Variants in PSMD14 observed in about 807,000 individuals in gnomAD.
The protein encoded by PSMD14 is ubiquitin C-terminal hydrolase PSMD14.
PSMD14 carries 7 observed loss-of-function variants against 41.2 expected under a neutral mutation model. The ratio of observed to expected loss-of-function variants is 0.17; its 90% CI spans 0.10 to 0.32. The LOEUF (loss-of-function observed/expected upper bound fraction) is 0.32, where lower values mean the gene tolerates loss of function less well. Among genes scored for constraint, PSMD14 ranks in the 10% least tolerant of loss-of-function variants. The pLI, the probability that PSMD14 is intolerant of heterozygous loss-of-function variation, is 1.00. For synonymous variants in PSMD14, 114 were observed against 122.3 expected, an observed-to-expected ratio of 0.93 and a Z score of 0.45; for missense variants, 139 against 375.6, an observed-to-expected ratio of 0.37 and a Z score of 5.21.
chr2:161,358,491 C>A (rs987420920), intron 3 of PSMD14, among the ~76,000 whole-genome samples: 1 of 152,106 alleles, frequency 6.6e-6, no homozygotes, highest in Admixed American at 6.5e-5. Context: ...AAAAACCGTG[C>A]GCTGTCTCCT....
intron 3 of PSMD14, among the ~76,000 whole-genome samples, chr2:161,331,674 G>C (rs1682792930): frequency 6.6e-6 from 1 of 152,136 alleles, no homozygotes; most frequent in African/African-American, 2.4e-5. Context: ...TGTGAATAGG[G>C]AATGTCATTG....
chr2:161,352,678 A>G (rs1007752409), intron 3 of PSMD14, among the ~76,000 whole-genome samples: 1 of 151,406 alleles, frequency 6.6e-6, no homozygotes, highest in African/African-American at 2.4e-5. Flanking sequence ...ACATTCACCC[A>G]TTTTTTTGGA....
At chr2:161,404,987 C>T (rs1044861249) in intron 10 of PSMD14, among the ~76,000 whole-genome samples, 1 of 152,192 alleles carries the variant, frequency 6.6e-6, no homozygotes, top group African/African-American at 2.4e-5. Flanking sequence ...AATGTATTAT[C>T]ATCTCCACTG....
chr2:161,352,637 T>C (rs2105248020), intron 3 of PSMD14, among the ~76,000 whole-genome samples: 1 of 152,248 alleles, frequency 6.6e-6, no homozygotes, highest in South Asian at 2.1e-4. Flanking sequence ...CAAGTCTATT[T>C]TTTCTTCCTT....
intron 3 of PSMD14, among the ~76,000 whole-genome samples, chr2:161,339,862 A>C (rs1337775020): frequency 6.6e-6 from 1 of 152,292 alleles, no homozygotes; most frequent in African/African-American, 2.4e-5. Context: ...GATGCTGGAC[A>C]TTCCCCAGCC....
At chr2:161,349,805 G>GC (rs1422680460) in intron 3 of PSMD14, among the ~76,000 whole-genome samples, 1 of 152,178 alleles carries the variant, frequency 6.6e-6, no homozygotes, top group Non-Finnish European at 1.5e-5. Context: ...GACCAGCAGG[G>GC]CTTGCAAGGT....
In PSMD14 at chr2:161,332,980, A is replaced by G. The variant is rs553726198; in HGVS notation, c.48+14107A>G. On this transcript the variant is annotated intron_variant, in intron 3 of 11. Transcript: ENST00000409682. ...TCATTTTCAAATATCTCACCCCCTT[A>G]AATAAGTGTATAAGAGCATAGTAGC... is the stretch of plus-strand genomic sequence containing the variant. 5.3e-5 allele frequency among the ~76,000 whole-genome samples: 8 copies of G among 152,322 alleles called. No homozygotes were observed. The South Asian group carries it at 1.0e-3, about 20-fold the overall frequency.
At chr2:161,411,176 A>G (rs1684018444) in intron 11 of PSMD14, 126 bp from the exon 12 acceptor site, 1 of 537,534 alleles carries the variant, frequency 1.9e-6, no homozygotes, top group Admixed American at 3.8e-5. Flanking sequence ...GTAAAGTTAA[A>G]TTGTAAAATA....
intron 3 of PSMD14, among the ~76,000 whole-genome samples, chr2:161,329,137 C>A (rs2105235590): frequency 6.6e-6 from 1 of 152,184 alleles, no homozygotes; most frequent in South Asian, 2.1e-4. Context: ...ATTAGAGATG[C>A]TGAGCAAAGG....
At chr2:161,342,220 C>T (rs955872430) in intron 3 of PSMD14, among the ~76,000 whole-genome samples, 2 of 152,076 alleles carry the variant, frequency 1.3e-5, no homozygotes, top group Admixed American at 6.6e-5. Flanking sequence ...TTGTCCTGAT[C>T]GTAGGGGGAA....
Position 161,389,889 on chromosome 2 carries a change from G to GTTGTTTTTTTTTTTTTTTTTTGT in PSMD14, c.571-1213_571-1212insGTTTTTTTTTTTTTTTTTTGTTT. Among the ~76,000 whole-genome samples the GTTGTTTTTTTTTTTTTTTTTTGT allele has an allele frequency of 1.0e-4, 2 of 20,050 alleles. 1 individual carries two copies. The highest frequency in any genetic ancestry group is 5.3e-3 in the South Asian group (2 of 380). The allele number at this position is 20,050 out of a possible 152,430, so 13.2% of individuals were successfully genotyped here. On this transcript the variant is annotated intron_variant, in intron 8 of 11. Coordinates refer to ENST00000409682, the MANE Select transcript of PSMD14 (RefSeq NM_005805.6). ...TGTCTTATTTTCTTTCTTTTTTGTT[G>GTTGTTTTTTTTTTTTTTTTTTGT]TTTTTTTTTTTTTTTTTTTTTTTAG...
chr2:161,325,496 A>G (rs889752818), intron 3 of PSMD14, among the ~76,000 whole-genome samples: 1 of 152,186 alleles, frequency 6.6e-6, no homozygotes, highest in African/African-American at 2.4e-5. Flanking sequence ...GAGAAGTTTA[A>G]TTTAACATAG....
At chr2:161,347,360 G>T (rs1179702023) in intron 3 of PSMD14, among the ~76,000 whole-genome samples, 1 of 151,970 alleles carries the variant, frequency 6.6e-6, no homozygotes, top group African/African-American at 2.4e-5. Context: ...ATATCAACAG[G>T]CTGGTCTCGA....
chr2:161,361,714 T>A (rs1683291460), intron 3 of PSMD14, among the ~76,000 whole-genome samples: 1 of 152,190 alleles, frequency 6.6e-6, no homozygotes, highest in African/African-American at 2.4e-5. Context: ...ATTAATGTAA[T>A]ACACCACTGA....
chr2:161,390,563 A>G (rs1470409577), intron 8 of PSMD14, among the ~76,000 whole-genome samples: 1 of 152,176 alleles, frequency 6.6e-6, no homozygotes, highest in Non-Finnish European at 1.5e-5. Context: ...GTGAGATTGC[A>G]TGTCACTGGA....
intron 3 of PSMD14, among the ~76,000 whole-genome samples, chr2:161,338,341 GTTTT>G (rs34156868): frequency 2.3e-5 from 3 of 133,052 alleles, no homozygotes; most frequent in Non-Finnish European, 3.3e-5. Flanking sequence ...GGTTAGGAGA[GTTTT>G]TTTTTTTTTT....
intron 1 of PSMD14, among the ~76,000 whole-genome samples, chr2:161,311,086 A>C (rs1242270643): frequency 6.6e-6 from 1 of 152,158 alleles, no homozygotes; most frequent in Non-Finnish European, 1.5e-5. Flanking sequence ...GCTCAGGATC[A>C]CCTGAGGTCA....
intron 10 of PSMD14, among the ~76,000 whole-genome samples, chr2:161,398,580 A>C (rs1251066149): frequency 6.6e-6 from 1 of 151,958 alleles, no homozygotes; most frequent in East Asian, 1.9e-4. Context: ...ATATTTGTAA[A>C]TGAATGTGCA....
At chr2:161,340,766 A>C (rs1174125831) in intron 3 of PSMD14, 1 of 1,611,980 alleles carries the variant, frequency 6.2e-7, no homozygotes, top group Admixed American at 1.7e-5. Flanking sequence ...TCAAGCTTTT[A>C]AGATGCCAAA....
Sources: gnomAD v4.1 joint callset for allele counts (sites outside exome capture counted in the v4.1 genomes callset) on GRCh38, gnomAD v4.1.1 for gene constraint, MANE v1.5 for transcripts, NCBI Gene and HGNC (gene_info 2026-07-23, HGNC 2026-07-21) for gene names.